The following NKAIN3 variants were observed in gnomAD, a reference collection of about 807,000 sequenced individuals.
NKAIN3 encodes sodium/potassium transporting ATPase interacting 3.
A neutral mutation model predicts 30.2 loss-of-function variants in NKAIN3; 25 were observed. The ratio of observed to expected loss-of-function variants is 0.83; its 90% CI spans 0.60 to 1.16. The LOEUF is 1.16. Ranked by LOEUF, NKAIN3 falls within the 50% of genes most tolerant of loss-of-function variation. The pLI, the probability that NKAIN3 is intolerant of heterozygous loss-of-function variation, is 0.00. For missense variants in NKAIN3, 225 were observed against 254.1 expected, an observed-to-expected ratio of 0.89 and a Z score of 0.78; for synonymous variants, 91 against 89.6, an observed-to-expected ratio of 1.02 and a Z score of -0.09.
At chr8:62,594,533 T>A (rs2130122160) in intron 3 of NKAIN3, among the ~76,000 whole-genome samples, 1 of 152,212 alleles carries the variant, frequency 6.6e-6, no homozygotes, top group East Asian at 1.9e-4. Context: ...TTTCCAGACA[T>A]CCTCACTTTC....
At chr8:62,953,590 G>C (rs557887384) in intron 5 of NKAIN3, among the ~76,000 whole-genome samples, 1 of 152,132 alleles carries the variant, frequency 6.6e-6, no homozygotes, top group South Asian at 2.1e-4. Context: ...TAGGGAGAAA[G>C]GGCATGTCTG....
In NKAIN3 at chr8:62,943,736, TTATA is replaced by T. The variant is rs1047262114; in HGVS notation, c.533-10162_533-10159del. 1.6e-3 allele frequency among the ~76,000 whole-genome samples: 231 copies of T among 148,064 alleles called. 1 individual carries two copies. The highest frequency in any genetic ancestry group is 0.014 in the Middle Eastern group (4 of 280). On this transcript the variant is annotated intron_variant, in intron 5 of 6. Coordinates refer to ENST00000623646, the MANE Select transcript of NKAIN3 (RefSeq NM_001304533.3). ...AGAAAATTTTTTAAAATGTATATAT[TTATA>T]TATTTATATTTATATGATATATTAT...
intron 4 of NKAIN3, chr8:62,856,164 T>C: frequency 1.3e-6 from 1 of 742,280 alleles, no homozygotes. Flanking sequence ...GACCTCTTGG[T>C]ATCACTAGGC....
At chr8:62,945,581 C>G (rs887191414) in intron 5 of NKAIN3, among the ~76,000 whole-genome samples, 16 of 152,298 alleles carry the variant, frequency 1.1e-4, no homozygotes, top group Middle Eastern at 6.8e-3. Flanking sequence ...ATGAGAGAAG[C>G]AAGGTCCAGA....
intron 1 of NKAIN3, among the ~76,000 whole-genome samples, chr8:62,433,309 A>C (rs1407148075): frequency 6.6e-6 from 1 of 152,162 alleles, no homozygotes; most frequent in African/African-American, 2.4e-5. Flanking sequence ...TAGGTGGGGA[A>C]CAAAAATGAT....
At chr8:62,808,599 C>T (rs560734562) in intron 4 of NKAIN3, among the ~76,000 whole-genome samples, 74 of 152,096 alleles carry the variant, frequency 4.9e-4, no homozygotes, top group African/African-American at 1.7e-3. Flanking sequence ...CATCACATGT[C>T]AGCAGGTTCC....
intron 4 of NKAIN3, among the ~76,000 whole-genome samples, chr8:62,824,562 A>G (rs180964751): frequency 1.4e-3 from 212 of 152,148 alleles, no homozygotes; most frequent in Non-Finnish European, 2.3e-3. Context: ...AAAATGATAG[A>G]CACAACATGC....
intron 1 of NKAIN3, among the ~76,000 whole-genome samples, chr8:62,322,033 C>T (rs558210491): frequency 4.6e-5 from 7 of 152,298 alleles, no homozygotes; most frequent in Non-Finnish European, 8.8e-5. Context: ...CAATGGCCGA[C>T]ACCCCTCCCC....
rs755520869 is a variant in NKAIN3 at position 62,990,215 on chromosome 8, C to T, written c.533-9016C>T. Reference sequence around the variant, plus strand: ...CAAACATCTTTTTATCCAGATGCTGCAAATTATTGAATAAGCAAGAATTAG... The same window carrying T: ...CAAACATCTTTTTATCCAGATGCTGTAAATTATTGAATAAGCAAGAATTAG... On this transcript the variant is annotated intron_variant, in intron 5 of 5. Transcript: ENST00000519049. 4 of 1,550,592 alleles carry T rather than the reference C, an allele frequency of 2.6e-6. No homozygotes were observed. In the South Asian group the frequency reaches 3.7e-5, roughly 14 times the overall value.
Position 62,436,401 on chromosome 8 carries a change from C to T in NKAIN3, c.55-143138C>T, listed in dbSNP as rs537747700. On this transcript the variant is annotated intron_variant, in intron 1 of 6. Transcript: ENST00000623646. ...TTTTTTAAGAAAACTCTAAACTCTACAGACATCTTTTATTTATTTAATAGT... is the reference window on the plus strand; with the variant it reads ...TTTTTTAAGAAAACTCTAAACTCTATAGACATCTTTTATTTATTTAATAGT... 1.7e-3 allele frequency among the ~76,000 whole-genome samples: 257 copies of T among 152,130 alleles called. 1 individual carries two copies. The highest frequency in any genetic ancestry group is 2.4e-3 in the Non-Finnish European group (166 of 68,016).
chr8:62,289,177 T>C (rs1009750674), intron 1 of NKAIN3, among the ~76,000 whole-genome samples: 10 of 152,214 alleles, frequency 6.6e-5, no homozygotes, highest in Admixed American at 2.0e-4. Flanking sequence ...AAAAATTTTC[T>C]CCCATTCTGT....
intron 4 of NKAIN3, among the ~76,000 whole-genome samples, chr8:62,828,624 C>T (rs1489433161): frequency 2.2e-5 from 2 of 92,946 alleles, no homozygotes; most frequent in East Asian, 4.5e-4. Flanking sequence ...GAGGAGTCAA[C>T]ACCCACTCTT....
chr8:62,392,398 T>C (rs1035738657), intron 1 of NKAIN3, among the ~76,000 whole-genome samples: 2 of 152,060 alleles, frequency 1.3e-5, no homozygotes, highest in East Asian at 3.8e-4. Flanking sequence ...TGCCAATTTG[T>C]AAGTTTACAA....
At chr8:62,819,154 T>TATATATATATATATATATATATAC (rs1184020630) in intron 4 of NKAIN3, among the ~76,000 whole-genome samples, 17 of 32,694 alleles carry the variant, frequency 5.2e-4, no homozygotes, top group African/African-American at 1.3e-3. Context: ...TATATATACA[T>TATATATATATATATATATATATAC]ATATATATAT....
intron 1 of NKAIN3, among the ~76,000 whole-genome samples, chr8:62,393,266 G>A (rs924319027): frequency 3.3e-5 from 5 of 151,828 alleles, no homozygotes; most frequent in Admixed American, 2.0e-4. Context: ...AATCAGGTTT[G>A]TATACTTTTT....
Position 62,429,781 on chromosome 8 carries a change from G to C in NKAIN3, c.55-149758G>C, listed in dbSNP as rs147243129. On this transcript the variant is annotated intron_variant, in intron 1 of 6. Transcript: ENST00000623646. ...GATACTCCAGTCTTTGTGCACTGAA[G>C]CTGCACTAGCAACTGCAACCAATTT... 5.6e-3 allele frequency among the ~76,000 whole-genome samples: 845 copies of C among 151,944 alleles called. 13 individuals are homozygous for C. The highest frequency in any genetic ancestry group is 0.02 in the African/African-American group (817 of 41,490).
At chr8:62,731,268 CA>C (rs1563535987) in intron 3 of NKAIN3, among the ~76,000 whole-genome samples, 435 of 151,582 alleles carry the variant, frequency 2.9e-3, no homozygotes, top group African/African-American at 9.7e-3. Flanking sequence ...CACACACACA[CA>C]CACACCCTTC....
intron 3 of NKAIN3, among the ~76,000 whole-genome samples, chr8:62,685,700 T>C (rs1054265695): frequency 6.6e-6 from 1 of 152,170 alleles, no homozygotes; most frequent in Non-Finnish European, 1.5e-5. Flanking sequence ...GTTAATAGAA[T>C]CCATATAAAA....
intron 4 of NKAIN3, among the ~76,000 whole-genome samples, chr8:62,843,729 A>G (rs1188710345): frequency 2.0e-5 from 3 of 152,106 alleles, no homozygotes; most frequent in Non-Finnish European, 4.4e-5. Flanking sequence ...TTAAATGACT[A>G]AGTTTGTGAT....
Sources: allele counts gnomAD v4.1 joint callset (sites outside exome capture counted in the v4.1 genomes callset), GRCh38; gene constraint gnomAD v4.1.1; transcripts MANE v1.5; gene names NCBI Gene and HGNC (gene_info 2026-07-23, HGNC 2026-07-21).